The following PLCL2 variants were observed in gnomAD, a reference collection of about 807,000 sequenced individuals.
The protein encoded by PLCL2 is inactive phospholipase C-like protein 2.
Under a neutral mutation model 79.6 loss-of-function variants are expected in PLCL2, and 4 were observed. The ratio of observed to expected loss-of-function variants is 0.05; its 90% CI spans 0.02 to 0.11. The LOEUF is 0.11. PLCL2 is among the 10% of genes least tolerant of loss of function. The pLI, the probability that PLCL2 is intolerant of heterozygous loss-of-function variation, is 1.00. For synonymous variants in PLCL2, 484 were observed against 457.7 expected (o/e 1.06, Z -0.73); for missense variants, 895 against 1,291.0 (o/e 0.69, Z 4.70).
intron 1 of PLCL2, among the ~76,000 whole-genome samples, chr3:16,948,549 T>G (rs2063622443): frequency 1.3e-5 from 2 of 152,230 alleles, no homozygotes; most frequent in Admixed American, 1.3e-4. Flanking sequence ...ATAAAACTAT[T>G]GTTTTTAAAA....
chr3:16,965,234 A>C (rs536096847), intron 1 of PLCL2, among the ~76,000 whole-genome samples: 1 of 152,194 alleles, frequency 6.6e-6, no homozygotes, highest in East Asian at 1.9e-4. Context: ...AGCTTTCTCC[A>C]TATGGCTAGC....
At chr3:16,965,219 G>A (rs1239637636) in intron 1 of PLCL2, among the ~76,000 whole-genome samples, 1 of 152,186 alleles carries the variant, frequency 6.6e-6, no homozygotes, top group Non-Finnish European at 1.5e-5. Context: ...AAGGGATCCA[G>A]TTTCAGCTTT....
chr3:16,894,070 A>G (rs7648300), intron 1 of PLCL2, among the ~76,000 whole-genome samples: 159 of 152,344 alleles, frequency 1.0e-3, no homozygotes, highest in African/African-American at 3.6e-3. Flanking sequence ...TGCAGCTACC[A>G]TCAGAATTAC....
intron 1 of PLCL2, among the ~76,000 whole-genome samples, chr3:16,906,403 A>G (rs1696753576): frequency 6.6e-6 from 1 of 152,218 alleles, no homozygotes; most frequent in South Asian, 2.1e-4. Context: ...CATATTATTA[A>G]TTTACATTTC....
At chr3:17,037,039 T>G (rs2064665308) in intron 3 of PLCL2, among the ~76,000 whole-genome samples, 1 of 152,208 alleles carries the variant, frequency 6.6e-6, no homozygotes, top group African/African-American at 2.4e-5. Flanking sequence ...GGGGACACAT[T>G]TAAACCATAA....
Position 16,980,266 on chromosome 3 carries a change from G to A in PLCL2, c.328-29408G>A, listed in dbSNP as rs1250016337. Among the ~76,000 whole-genome samples the A allele has an allele frequency of 2.1e-4, 30 of 144,526 alleles. 2 individuals are homozygous for A. Among genetic ancestry groups the A allele is most frequent in the Admixed American group, 8.1e-4 (12 of 14,730 alleles). 94.8% of individuals were successfully genotyped at this position (144,526 alleles called of 152,430 possible). ...TGCCGGATGGGGCGGCTGGCCGGGC[G>A]GGGGGCTGACCCCCCCCACCTCCCT... On this transcript the variant is annotated intron_variant, in intron 1 of 5. Transcript: ENST00000615277.
At chr3:16,932,780 T>C (rs1041167280) in intron 1 of PLCL2, among the ~76,000 whole-genome samples, 2 of 152,224 alleles carry the variant, frequency 1.3e-5, no homozygotes, top group African/African-American at 4.8e-5. Context: ...AACTTATTAG[T>C]TGTAGATGGA....
At chr3:17,080,386 G>A (rs1403081312) in intron 5 of PLCL2, among the ~76,000 whole-genome samples, 1 of 152,108 alleles carries the variant, frequency 6.6e-6, no homozygotes, top group Non-Finnish European at 1.5e-5. Context: ...CTTGAAAGGG[G>A]AACTATCAAT....
intron 1 of PLCL2, among the ~76,000 whole-genome samples, chr3:16,996,513 A>G (rs1211568883): frequency 6.6e-6 from 1 of 152,170 alleles, no homozygotes; most frequent in Non-Finnish European, 1.5e-5. Flanking sequence ...TTTGAGCTAT[A>G]TATGATTCCA....
chr3:17,085,433 TTTC>T (rs1247043444), intron 5 of PLCL2, among the ~76,000 whole-genome samples: 1 of 135,910 alleles, frequency 7.4e-6, no homozygotes, highest in East Asian at 2.1e-4. Flanking sequence ...AGCCAATTTA[TTTC>T]TTTTTTTTTT....
At chr3:17,073,717 A>T (rs1293496261) in intron 5 of PLCL2, among the ~76,000 whole-genome samples, 1 of 152,248 alleles carries the variant, frequency 6.6e-6, no homozygotes, top group Non-Finnish European at 1.5e-5. Context: ...AATTACAGCA[A>T]TGTTCACAGC....
At chr3:16,893,378 C>G (rs969370801) in intron 1 of PLCL2, among the ~76,000 whole-genome samples, 1 of 152,088 alleles carries the variant, frequency 6.6e-6, no homozygotes, top group Non-Finnish European at 1.5e-5. Context: ...GAATTGTCAA[C>G]TAATTATAGA....
intron 1 of PLCL2, among the ~76,000 whole-genome samples, chr3:16,898,256 G>C (rs75238816): frequency 5.9e-5 from 9 of 152,162 alleles, no homozygotes; most frequent in African/African-American, 1.9e-4. Context: ...AATGGGAGGT[G>C]TAGTAGAAAT....
chr3:17,063,654 A>G (rs1278345730), intron 4 of PLCL2, among the ~76,000 whole-genome samples: 1 of 152,026 alleles, frequency 6.6e-6, no homozygotes, highest in Admixed American at 6.5e-5. Flanking sequence ...TGTCCCCACC[A>G]TTCTCTGACA....
At chr3:17,025,434 G>A (rs1447767254) in intron 3 of PLCL2, among the ~76,000 whole-genome samples, 1 of 152,148 alleles carries the variant, frequency 6.6e-6, no homozygotes, top group Non-Finnish European at 1.5e-5. Context: ...GGGTTTGTTT[G>A]TAAGTGCCAT....
intron 1 of PLCL2, among the ~76,000 whole-genome samples, chr3:16,913,380 T>C (rs1696925328): frequency 6.6e-6 from 1 of 151,246 alleles, no homozygotes; most frequent in African/African-American, 2.4e-5. Flanking sequence ...GTAAGACTCT[T>C]CTGTGGGTTT....
intron 1 of PLCL2, among the ~76,000 whole-genome samples, chr3:16,908,270 C>A (rs137960130): frequency 6.6e-6 from 1 of 152,262 alleles, no homozygotes; most frequent in East Asian, 1.9e-4. Context: ...ATTCCAGACA[C>A]CGTATTATCC....
chr3:17,073,867 T>G (rs1306952998), intron 5 of PLCL2, among the ~76,000 whole-genome samples: 1 of 152,182 alleles, frequency 6.6e-6, no homozygotes, highest in Admixed American at 6.5e-5. Flanking sequence ...TAATTCTAGT[T>G]CTCTAGTTAT....
intron 3 of PLCL2, among the ~76,000 whole-genome samples, chr3:17,029,626 A>G (rs2064559829): frequency 6.6e-6 from 1 of 152,166 alleles, no homozygotes; most frequent in Non-Finnish European, 1.5e-5. Flanking sequence ...CACACCAGAA[A>G]AGGGAAGCCT....
Sources: allele counts gnomAD v4.1 joint callset (sites outside exome capture counted in the v4.1 genomes callset), GRCh38; gene constraint gnomAD v4.1.1; transcripts MANE v1.5; gene names NCBI Gene and HGNC (gene_info 2026-07-23, HGNC 2026-07-21).